GABRD: variants seen among roughly 807,000 people sequenced by gnomAD.
GABRD encodes gamma-aminobutyric acid type A receptor subunit delta, also known as gamma-aminobutyric acid receptor subunit delta.
GABRD carries 25 observed loss-of-function variants against 47.3 expected under a neutral mutation model. That is an observed-to-expected ratio of 0.53 (90% CI 0.39 to 0.74). The LOEUF (loss-of-function observed/expected upper bound fraction) is 0.74. Among genes scored for constraint, GABRD ranks in the 30% least tolerant of loss-of-function variants. GABRD has a pLI of 0.00. For synonymous variants in GABRD, 314 were observed against 278.8 expected, an observed-to-expected ratio of 1.13 and a Z score of -1.26; for missense variants, 497 against 643.4, an observed-to-expected ratio of 0.77 and a Z score of 2.46.
chr1:2,029,621 C>T lies in GABRD; in HGVS notation c.918C>T (p.Ala306=). The T allele has an allele frequency of 6.2e-7, 1 of 1,613,374 alleles. No individual in the cohort carries two copies. Among genetic ancestry groups the T allele is most frequent in the Non-Finnish European group, 8.5e-7 (1 of 1,180,008 alleles). The change falls in exon 8 of 9, where the codon GCC becomes GCT. Residue 306 remains alanine (A), a synonymous_variant. Coordinates refer to ENST00000378585, the MANE Select transcript of GABRD (RefSeq NM_000815.5). ...SARSSLPRAS[A]IKALDVYFWI... ...GCTCCTCCCTGCCACGGGCATCAGC[C>T]ATCAAGGCACTGGACGTCTACTTCT...
Position 2,030,423 on chromosome 1 carries a change from G to A in GABRD, c.*141G>A. On this transcript the variant is annotated 3_prime_UTR_variant, in exon 9 of 9. Transcript: ENST00000378585. ...GACAGTCGGCCACGGAAAACAAGAG[G>A]AAGCCTCGGCCTCCCTGAGCTCTGA... is the stretch of plus-strand genomic sequence containing the variant. 2.7e-6 allele frequency: 2 copies of A among 754,466 alleles called. No homozygotes were observed. Among genetic ancestry groups the A allele is most frequent in the Non-Finnish European group, 3.9e-6 (2 of 510,230 alleles). 46.7% of individuals were successfully genotyped at this position (754,466 alleles called of 1,614,324 possible). A position where few individuals can be genotyped will look rare whatever the true frequency, so the allele number is the denominator to read the frequency against.
In GABRD at chr1:2,024,706, C is replaced by G. The variant is rs1310428007; in HGVS notation, c.69-236C>G. ...CAGGAGGGCTAAGTGGGCACTGAGG[C>G]CGGAGGAGGAAGCCAGGTCAGGGCC... On this transcript the variant is annotated intron_variant, in intron 1 of 8. Coordinates refer to ENST00000378585, the MANE Select transcript of GABRD (RefSeq NM_000815.5). 1.3e-5 allele frequency: 5 copies of G among 396,422 alleles called. No homozygotes were observed. The Admixed American group carries it at 1.9e-4, about 15-fold the overall frequency. The allele number at this position is 396,422 out of a possible 1,614,324, so 24.6% of individuals were successfully genotyped here.
intron 1 of GABRD, among the ~76,000 whole-genome samples, chr1:2,021,837 C>T (rs914734014): frequency 6.6e-6 from 1 of 152,192 alleles, no homozygotes; most frequent in Non-Finnish European, 1.5e-5. Context: ...TGGGTGTGCG[C>T]CGTGGAGAAG....
Position 2,025,058 on chromosome 1 carries a change from A to G in GABRD, c.181+4A>G. ...AACTTCCGGCCTGGCATCGGAGGTG[A>G]GGGGCGGTCCAGGCCCGGCAGGCAG... On this transcript the variant is annotated splice_donor_region_variant and intron_variant, in intron 2 of 8. Transcript: ENST00000378585. 1 of 1,609,880 alleles carries G rather than the reference A, an allele frequency of 6.2e-7. No homozygotes were observed. Among genetic ancestry groups the G allele is most frequent in the East Asian group, 2.2e-5 (1 of 44,802 alleles).
At chr1:2,019,901 C>T (rs1658729562) in intron 1 of GABRD, among the ~76,000 whole-genome samples, 1 of 152,184 alleles carries the variant, frequency 6.6e-6, no homozygotes, top group Non-Finnish European at 1.5e-5. Flanking sequence ...GGAGGCTGCT[C>T]CCTTTGCGGG....
intron 7 of GABRD, 112 bp from the exon 8 acceptor site, chr1:2,029,439 G>A: frequency 1.4e-6 from 2 of 1,471,244 alleles, no homozygotes; most frequent in Non-Finnish European, 1.8e-6. Flanking sequence ...TCCCTGGGGT[G>A]GGCATGGGGG....
chr1:2,022,255 A>T (rs1658797882), intron 1 of GABRD: 3 of 152,486 alleles, frequency 2.0e-5, no homozygotes, highest in Non-Finnish European at 4.4e-5. Flanking sequence ...CCCCCGCTAG[A>T]TCTGCCTCCC....
At chr1:2,025,823 C>T in intron 4 of GABRD, 85 bp downstream of exon 4, 1 of 1,270,800 alleles carries the variant, frequency 7.9e-7, no homozygotes, top group Non-Finnish European at 1.1e-6. Flanking sequence ...CTTGGAAAAG[C>T]TCGAGCGGCT....
At position 2,028,109 on chromosome 1, in the gene GABRD, GGGGCA is replaced by G. The variant is rs780574302; in HGVS notation, c.554-41_554-37del. On this transcript the variant is annotated intron_variant, in intron 5 of 8. Transcript: ENST00000378585. This position sits in a 1 kb window ranked among gnomAD's most constrained non-coding sequence, Gnocchi z 6.4. Reference sequence around the variant, plus strand: ...ACGGAGCGCTCCTGCCAGGGCTCCCGGGGCAGGGCCGGGCTCTGCCGCCCACCTGT... The same window carrying G: ...ACGGAGCGCTCCTGCCAGGGCTCCCGGGGCCGGGCTCTGCCGCCCACCTGT... 1 of 1,584,452 alleles carries G rather than the reference GGGGCA, an allele frequency of 6.3e-7. No homozygotes were observed. The highest frequency in any genetic ancestry group is 1.7e-5 in the Admixed American group (1 of 58,124).
At position 2,028,918 on chromosome 1, in the gene GABRD, T is replaced by A. The variant is rs1486220685; in HGVS notation, c.692-193T>A. ...TGGGTGACACTGCTCAGGACCAGCCTGTCCTGTGGCCAGACCTAGGGCCGG... is the reference window on the plus strand; with the variant it reads ...TGGGTGACACTGCTCAGGACCAGCCAGTCCTGTGGCCAGACCTAGGGCCGG... On this transcript the variant is annotated intron_variant, in intron 6 of 8. Coordinates refer to ENST00000378585, the MANE Select transcript of GABRD (RefSeq NM_000815.5). This position sits in a 1 kb window ranked among gnomAD's most constrained non-coding sequence, Gnocchi z 6.4. The A allele has an allele frequency of 4.6e-6, 3 of 651,540 alleles. No individual in the cohort carries two copies. The African/African-American group carries it at 5.5e-5, about 12-fold the overall frequency. The allele number at this position is 651,540 out of a possible 1,614,324, so 40.4% of individuals were successfully genotyped here.
intron 2 of GABRD, 116 bp downstream of exon 2, chr1:2,025,170 TG>T: frequency 4.8e-6 from 6 of 1,262,984 alleles, no homozygotes; most frequent in East Asian, 4.8e-5. Flanking sequence ...GGCTCTCCCC[TG>T]GGGGGCTCCA....
At position 2,024,876 on chromosome 1, in the gene GABRD, G is replaced by A. The variant is rs553745290; in HGVS notation, c.69-66G>A. ...CAGAACAGTGCTGCATCCCCAGGAA[G>A]GGACCCAGGCTCAGTGGAATTAAAT... On this transcript the variant is annotated intron_variant, in intron 1 of 8. Coordinates refer to ENST00000378585, the MANE Select transcript of GABRD (RefSeq NM_000815.5). 5.8e-6 allele frequency: 7 copies of A among 1,215,584 alleles called. No individual in the cohort carries two copies. The African/African-American group carries it at 8.9e-5, about 16-fold the overall frequency. 75.3% of individuals were successfully genotyped at this position (1,215,584 alleles called of 1,614,324 possible). A position where few individuals can be genotyped will look rare whatever the true frequency, so the allele number is the denominator to read the frequency against.
rs2102153892 is a variant in GABRD, at chr1:2,030,160, G to C, written c.1237G>C (p.Gly413Arg). Residue 413 changes from glycine to arginine, a missense_variant, in exon 9 of 9, where the codon GGG (glycine) becomes CGG (arginine). Physicochemically the swap from Gly to Arg is moderately radical, Grantham distance 125 (BLOSUM62 -2). Coordinates refer to ENST00000378585, the MANE Select transcript of GABRD (RefSeq NM_000815.5). ...KEGAARSGGQ[G>R]GIRARLRPID... ...GGGGGCAGCCCGCTCAGGAGGCCAGGGGGGCATCCGTGCCCGGCTCAGGCC... is the reference window on the plus strand; with the variant it reads ...GGGGGCAGCCCGCTCAGGAGGCCAGCGGGGCATCCGTGCCCGGCTCAGGCC... The C allele has an allele frequency of 6.3e-7, 1 of 1,575,826 alleles. No homozygotes were observed. Among genetic ancestry groups the C allele is most frequent in the East Asian group, 2.3e-5 (1 of 44,410 alleles).
In GABRD at chr1:2,025,026, C is replaced by T. The variant is rs148496176; in HGVS notation, c.153C>T (p.Tyr51=). 2.7e-5 allele frequency: 44 copies of T among 1,612,520 alleles called. No individual in the cohort carries two copies. Among genetic ancestry groups the T allele is most frequent in the South Asian group, 7.7e-5 (7 of 91,094 alleles). The stretch of plus-strand genomic sequence containing the variant: ...ACCTGGACGGGCTGATAGCCGGCTA[C>T]GCCCGCAACTTCCGGCCTGGCATCG... ...LPNLDGLIAG[Y]ARNFRPGIGG... is the part of the protein sequence containing the mutation. Residue 51 remains tyrosine, a synonymous_variant, in exon 2 of 9, where the codon TAC becomes TAT. Coordinates refer to ENST00000378585, the MANE Select transcript of GABRD (RefSeq NM_000815.5).
chr1:2,026,028 T>C (rs1658916106), intron 4 of GABRD, among the ~76,000 whole-genome samples: 1 of 152,258 alleles, frequency 6.6e-6, no homozygotes. Flanking sequence ...AATTAACCTT[T>C]TTAAAGTGAA....
rs1303133072 is a variant in GABRD at position 2,028,364 on chromosome 1, G to A, written c.691+72G>A. The A allele has an allele frequency of 8.6e-6, 12 of 1,393,080 alleles. No individual in the cohort carries two copies. Among genetic ancestry groups the A allele is most frequent in the African/African-American group, 6.1e-5 (4 of 65,328 alleles). 86.3% of individuals were successfully genotyped at this position (1,393,080 alleles called of 1,614,324 possible). A position where few individuals can be genotyped will look rare whatever the true frequency, so the allele number is the denominator to read the frequency against. On this transcript the variant is annotated intron_variant, in intron 6 of 8. Transcript: ENST00000378585. The surrounding 1 kb of genome is among the most constrained non-coding windows in gnomAD (Gnocchi z 6.4). ...CGCGCGCGCCCACCGCCCCTTCCGC[G>A]CGCGCCCACCGCCCCTTCCGCGTGC...
chr1:2,029,546 G>C lies in GABRD; in HGVS notation c.848-5G>C. On this transcript the variant is annotated splice_polypyrimidine_tract_variant and splice_region_variant and intron_variant, in intron 7 of 8. Coordinates refer to ENST00000378585, the MANE Select transcript of GABRD (RefSeq NM_000815.5). ...TACGACAATGGCACCACCTGTGCCC[G>C]GCAGGCATCACCACGGTGCTGACGA... 1 of 1,612,152 alleles carries C rather than the reference G, an allele frequency of 6.2e-7. No individual in the cohort carries two copies. Among genetic ancestry groups the C allele is most frequent in the Non-Finnish European group, 8.5e-7 (1 of 1,179,948 alleles).
rs922990339 is a variant in GABRD, at chr1:2,028,379, C to T, written c.691+87C>T. ...CCCCTTCCGCGCGCGCCCACCGCCCCTTCCGCGTGCGCCCGCCTGTGGTTT... is the reference window on the plus strand; with the variant it reads ...CCCCTTCCGCGCGCGCCCACCGCCCTTTCCGCGTGCGCCCGCCTGTGGTTT... On this transcript the variant is annotated intron_variant, in intron 6 of 8. Transcript: ENST00000378585. The surrounding 1 kb of genome is among the most constrained non-coding windows in gnomAD (Gnocchi z 6.4). 1.1e-5 allele frequency: 14 copies of T among 1,296,498 alleles called. No homozygotes were observed. The African/African-American group carries it at 1.6e-4, about 15-fold the overall frequency. 80.3% of individuals were successfully genotyped at this position (1,296,498 alleles called of 1,614,324 possible). A position where few individuals can be genotyped will look rare whatever the true frequency, so the allele number is the denominator to read the frequency against.
At position 2,021,584 on chromosome 1, in the gene GABRD, G is replaced by A. The variant is rs1026099655; in HGVS notation, c.68+2093G>A. ...ATAGGAAGGGAGTGTGCTGCGTGGC[G>A]GCCGTGGGTCGGCCCGGAGTGTGAA... On this transcript the variant is annotated intron_variant, in intron 1 of 8. Coordinates refer to ENST00000378585, the MANE Select transcript of GABRD (RefSeq NM_000815.5). 3.3e-5 allele frequency among the ~76,000 whole-genome samples: 5 copies of A among 152,174 alleles called. No homozygotes were observed. In the East Asian group the frequency reaches 5.8e-4, roughly 18 times the overall value.
Sources: allele counts gnomAD v4.1 joint callset (sites outside exome capture counted in the v4.1 genomes callset), GRCh38; gene constraint gnomAD v4.1.1; non-coding constraint Gnocchi (gnomAD v3.1); transcripts MANE v1.5; gene names NCBI Gene and HGNC (gene_info 2026-07-23, HGNC 2026-07-21).